PYGB: variants seen among roughly 807,000 people sequenced by gnomAD.
The protein encoded by PYGB is glycogen phosphorylase, brain form.
A neutral mutation model predicts 94.3 loss-of-function variants in PYGB; 82 were observed. The observed-to-expected ratio is 0.87, with a 90% CI of 0.73 to 1.04. PYGB has a LOEUF of 1.04. Among genes scored for constraint, PYGB ranks in the 50% least tolerant of loss-of-function variants. The pLI is 0.00. For missense variants in PYGB, 1,132 were observed against 1,158.2 expected (o/e 0.98, Z 0.33); for synonymous variants, 488 against 479.1 (o/e 1.02, Z -0.24).
At chr20:25,277,936 G>A (rs932496659) in intron 7 of PYGB, among the ~76,000 whole-genome samples, 1 of 152,238 alleles carries the variant, frequency 6.6e-6, no homozygotes, top group African/African-American at 2.4e-5. Flanking sequence ...TTTTATGAAA[G>A]TAACCTGTGC....
At position 25,279,089 on chromosome 20, in the gene PYGB, C is replaced by A. The variant is rs1376898473; in HGVS notation, c.1032C>A (p.Ala344=). 1 of 1,613,946 alleles carries A rather than the reference C, an allele frequency of 6.2e-7. No homozygotes were observed. The highest frequency in any genetic ancestry group is 1.3e-5 in the African/African-American group (1 of 75,058). Residue 344 remains alanine, a synonymous_variant, in exon 9 of 20, where the codon GCC becomes GCA. Transcript: ENST00000216962. ...TCCAGCTGAACGACACCCACCCCGC[C>A]CTCTCCATCCCTGAGCTCATGCGGA... ...VAIQLNDTHP[A]LSIPELMRIL...
intron 19 of PYGB, 146 bp downstream of exon 19, chr20:25,295,816 T>G (rs1381835113): frequency 1.1e-6 from 1 of 901,096 alleles, no homozygotes; most frequent in Non-Finnish European, 1.8e-6. Flanking sequence ...CAGTCGGCTG[T>G]GCCTGCCTTT....
intron 16 of PYGB, among the ~76,000 whole-genome samples, chr20:25,291,467 G>A (rs918651300): frequency 6.6e-6 from 1 of 152,182 alleles, no homozygotes; most frequent in Admixed American, 6.5e-5. Flanking sequence ...TGCAAGCTCC[G>A]TGGTGCAGGG....
chr20:25,284,890 A>T (rs1376833575), intron 14 of PYGB: 2 of 152,256 alleles, frequency 1.3e-5, no homozygotes, highest in Admixed American at 1.3e-4. Context: ...TTATGAGACA[A>T]ACATGAAACA....
chr20:25,248,338 T>C lies in PYGB; in HGVS notation c.160T>C (p.Phe54Leu), dbSNP rs1187164732. The change falls in exon 1 of 20, where the codon TTC becomes CTC. Residue 54 changes from phenylalanine to leucine, a missense_variant. Phe to Leu is a conservative substitution (Grantham distance 22). Transcript: ENST00000216962. ...TGTGGCCACGCCCCGCGACTACTTC[T>C]TCGCGCTGGCGCACACGGTGCGCGA... The part of the protein sequence containing the change: ...RNVATPRDYF[F>L]ALAHTVRDHL... The C allele has an allele frequency of 1.2e-6, 2 of 1,603,410 alleles. No individual in the cohort carries two copies. The highest frequency in any genetic ancestry group is 3.4e-5 in the Admixed American group (2 of 58,558).
At chr20:25,281,630 G>A (rs1442709274) in intron 11 of PYGB, among the ~76,000 whole-genome samples, 1 of 152,116 alleles carries the variant, frequency 6.6e-6, no homozygotes, top group African/African-American at 2.4e-5. Context: ...TGCAGGCTCT[G>A]TGCGTGGCGC....
At chr20:25,250,010 C>T (rs577095470) in intron 1 of PYGB, among the ~76,000 whole-genome samples, 6 of 152,234 alleles carry the variant, frequency 3.9e-5, no homozygotes, top group South Asian at 2.1e-4. Flanking sequence ...CCACCACGCC[C>T]GGCTAATTTT....
chr20:25,255,857 C>A (rs892751220), intron 1 of PYGB, among the ~76,000 whole-genome samples: 4 of 152,056 alleles, frequency 2.6e-5, no homozygotes, highest in African/African-American at 9.7e-5. Flanking sequence ...CCTCAGCCTT[C>A]CGAATAGGTG....
At chr20:25,262,430 G>A (rs2092915635) in intron 2 of PYGB, among the ~76,000 whole-genome samples, 1 of 152,190 alleles carries the variant, frequency 6.6e-6, no homozygotes, top group Admixed American at 6.5e-5. Context: ...CAAATGCTGA[G>A]AGATTTTGTC....
intron 2 of PYGB, 84 bp from the exon 3 acceptor site, chr20:25,269,045 C>T (rs1490227861): frequency 1.7e-6 from 2 of 1,211,170 alleles, no homozygotes; most frequent in Non-Finnish European, 2.4e-6. Context: ...AGCATAAGCT[C>T]ACAAGACTTA....
In PYGB at chr20:25,290,639, G is replaced by A. The variant is rs751149180; in HGVS notation, c.1969+17G>A. 6.3e-7 allele frequency: 1 copy of A among 1,588,986 alleles called. No individual in the cohort carries two copies. The highest frequency in any genetic ancestry group is 8.6e-7 in the Non-Finnish European group (1 of 1,158,732). On this transcript the variant is annotated intron_variant, in intron 16 of 19. Coordinates refer to ENST00000216962, the MANE Select transcript of PYGB (RefSeq NM_002862.4). ...CTGAGAAAGGTAACCCTGGAAGCCT[G>A]TGTTGGACAGAAAACTCACTCCTGC...
At position 25,296,511 on chromosome 20, in the gene PYGB, C is replaced by T. The variant is rs752549869; in HGVS notation, c.2521C>T (p.Pro841Ser). The change falls in exon 20 of 20, where the codon CCC (proline) becomes TCC (serine). Residue 841 changes from proline to serine, a missense_variant. Pro to Ser is a moderately conservative substitution (Grantham distance 74). Coordinates refer to ENST00000216962, the MANE Select transcript of PYGB (RefSeq NM_002862.4). The stretch of plus-strand genomic sequence containing the variant: ...CCTGCAGATCCCGCCCCCCAACATC[C>T]CCCGGGACTAGGCACACCCTGCCTT... ...SDLQIPPPNI[P>S]RD The T allele has an allele frequency of 1.9e-6, 3 of 1,613,424 alleles. No homozygotes were observed. The South Asian group carries it at 3.3e-5, about 18-fold the overall frequency.
chr20:25,260,967 A>G (rs2092912135), intron 2 of PYGB, among the ~76,000 whole-genome samples: 1 of 152,186 alleles, frequency 6.6e-6, no homozygotes, highest in Non-Finnish European at 1.5e-5. Context: ...GAGTAGGTAA[A>G]CAGAGCAGCC....
chr20:25,292,233 G>A lies in PYGB; in HGVS notation c.1970-173G>A, dbSNP rs376133038. Among the ~76,000 whole-genome samples, 178 of 152,062 alleles carry A rather than the reference G, an allele frequency of 1.2e-3. 1 individual carries two copies. The highest frequency in any genetic ancestry group is 4.1e-3 in the African/African-American group (170 of 41,452). ...GGGAGCCCTGCAGAGGCGGGTGGCC[G>A]TGTCCAGCCTGGGCCCCTGTGGGAG... On this transcript the variant is annotated intron_variant, in intron 16 of 19. Transcript: ENST00000216962.
At chr20:25,292,280 G>A (rs1046244879) in intron 16 of PYGB, 126 bp from the exon 17 acceptor site, 24 of 1,127,576 alleles carry the variant, frequency 2.1e-5, no homozygotes, top group Non-Finnish European at 2.8e-5. Flanking sequence ...GCTGGAGCGG[G>A]GCCACAGCAT....
intron 14 of PYGB, among the ~76,000 whole-genome samples, chr20:25,287,871 C>CTT (rs2088431102): frequency 1.3e-5 from 2 of 151,992 alleles, no homozygotes; most frequent in Non-Finnish European, 1.5e-5. Context: ...ATCCCAGCTA[C>CTT]TCAGGAGGCT....
intron 14 of PYGB, among the ~76,000 whole-genome samples, chr20:25,287,542 G>T (rs2088428534): frequency 6.6e-6 from 1 of 152,184 alleles, no homozygotes; most frequent in Admixed American, 6.5e-5. Flanking sequence ...GCATCTACTT[G>T]GGAGGCTAAG....
chr20:25,269,472 A>G (rs2088247415), intron 3 of PYGB, among the ~76,000 whole-genome samples: 1 of 152,200 alleles, frequency 6.6e-6, no homozygotes, highest in Non-Finnish European at 1.5e-5. Context: ...GGGGCTCCCG[A>G]TATGCTGACC....
chr20:25,261,890 A>G (rs563635153), intron 2 of PYGB, among the ~76,000 whole-genome samples: 1 of 152,360 alleles, frequency 6.6e-6, no homozygotes, highest in Admixed American at 6.5e-5. Flanking sequence ...GTGATTGAAG[A>G]TCAAATGAAT....
Sources: gnomAD v4.1 joint callset for allele counts (sites outside exome capture counted in the v4.1 genomes callset) on GRCh38, gnomAD v4.1.1 for gene constraint, MANE v1.5 for transcripts, NCBI Gene and HGNC (gene_info 2026-07-23, HGNC 2026-07-21) for gene names.